CFAP58: variants seen among roughly 807,000 people sequenced by gnomAD.
CFAP58 encodes cilia- and flagella-associated protein 58.
In CFAP58, 88 loss-of-function variants were observed where a neutral mutation model predicts 119.5. The observed-to-expected ratio is 0.74, with a 90% confidence interval of 0.62 to 0.88. CFAP58 has a LOEUF of 0.88. CFAP58 is among the 40% of genes least tolerant of loss of function. The pLI, the probability that CFAP58 is intolerant of heterozygous loss-of-function variation, is 0.00. For synonymous variants in CFAP58, 365 were observed against 366.3 expected, an observed-to-expected ratio of 1.00 and a Z score of 0.04; for missense variants, 990 against 1,021.2, an observed-to-expected ratio of 0.97 and a Z score of 0.42.
At chr10:104,382,230 C>T (rs1383529968) in intron 9 of CFAP58, 1 of 716,676 alleles carries the variant, frequency 1.4e-6, no homozygotes, top group African/African-American at 1.7e-5. Context: ...GGGCACAGAT[C>T]CTACCCACTC....
chr10:104,363,043 A>G (rs1054828971), intron 3 of CFAP58, among the ~76,000 whole-genome samples: 17 of 152,104 alleles, frequency 1.1e-4, no homozygotes, highest in African/African-American at 3.9e-4. Flanking sequence ...GACCCATCTC[A>G]AACACTGTCT....
intron 9 of CFAP58, among the ~76,000 whole-genome samples, chr10:104,389,826 CA>C (rs2011997530): frequency 6.6e-6 from 1 of 152,090 alleles, no homozygotes; most frequent in Non-Finnish European, 1.5e-5. Flanking sequence ...ATGAAACTAA[CA>C]GAAACCTTGA....
rs370576351 is a variant in CFAP58 at position 104,449,962 on chromosome 10, G to T, written c.2377-109G>T. On this transcript the variant is annotated intron_variant, in intron 16 of 17. Coordinates refer to ENST00000369704, the MANE Select transcript of CFAP58 (RefSeq NM_001008723.2). Reference sequence around the variant, plus strand: ...CATGCAGATTAATTGTGAAACTTGGGCATTGTTTTGCACCTCTAGCTCCAC... The same window carrying T: ...CATGCAGATTAATTGTGAAACTTGGTCATTGTTTTGCACCTCTAGCTCCAC... The T allele has an allele frequency of 3.2e-5, 34 of 1,056,852 alleles. No individual in the cohort carries two copies. In the East Asian group the frequency reaches 8.0e-4, roughly 25 times the overall value. The allele number at this position is 1,056,852 out of a possible 1,614,324, so 65.5% of individuals were successfully genotyped here. A position where few individuals can be genotyped will look rare whatever the true frequency, so the allele number is the denominator to read the frequency against.
chr10:104,392,512 A>G, intron 10 of CFAP58, 118 bp downstream of exon 10: 1 of 667,650 alleles, frequency 1.5e-6, no homozygotes, highest in East Asian at 3.2e-5. Flanking sequence ...CATGGAATTC[A>G]CCTGAAAAGA....
chr10:104,366,038 C>A (rs201700473), intron 5 of CFAP58, 30 bp downstream of exon 5: 28 of 1,517,670 alleles, frequency 1.8e-5, no homozygotes, highest in African/African-American at 1.4e-4. Context: ...TCGCAAAAAA[C>A]CAAGAAAAAC....
intron 15 of CFAP58, among the ~76,000 whole-genome samples, chr10:104,413,154 C>A (rs1314149285): frequency 6.6e-6 from 1 of 152,194 alleles, no homozygotes; most frequent in Non-Finnish European, 1.5e-5. Flanking sequence ...GATTTGTGGT[C>A]CTTCAGAAAG....
intron 11 of CFAP58, among the ~76,000 whole-genome samples, chr10:104,394,948 A>G (rs2012122067): frequency 6.6e-6 from 1 of 152,224 alleles, no homozygotes. Flanking sequence ...GGTATGGACC[A>G]TGTTAGCAAG....
At chr10:104,388,070 A>G (rs1478885514) in intron 9 of CFAP58, among the ~76,000 whole-genome samples, 4 of 152,218 alleles carry the variant, frequency 2.6e-5, no homozygotes, top group African/African-American at 9.6e-5. Context: ...TGTTTCATTG[A>G]TGTTAATTTG....
intron 17 of CFAP58, among the ~76,000 whole-genome samples, chr10:104,452,246 A>G (rs531789453): frequency 6.8e-4 from 104 of 152,160 alleles, no homozygotes; most frequent in Admixed American, 6.3e-3. Context: ...ATAGATACAT[A>G]AAATAGTAAG....
At chr10:104,411,372 T>A (rs1402272619) in intron 15 of CFAP58, among the ~76,000 whole-genome samples, 2 of 152,238 alleles carry the variant, frequency 1.3e-5, no homozygotes, top group African/African-American at 4.8e-5. Context: ...ATGTTTTACA[T>A]CCTTCCTTTA....
chr10:104,450,277 C>A, intron 17 of CFAP58, 73 bp downstream of exon 17: 1 of 1,499,490 alleles, frequency 6.7e-7, no homozygotes, highest in Non-Finnish European at 9.2e-7. Context: ...GGTGAACAGT[C>A]ACAGAGTTGC....
chr10:104,432,007 C>G (rs1223431430), intron 15 of CFAP58, among the ~76,000 whole-genome samples: 1 of 151,938 alleles, frequency 6.6e-6, no homozygotes, highest in Non-Finnish European at 1.5e-5. Flanking sequence ...TTCACTATTG[C>G]AAAAGTGTTT....
rs112664550 is a variant in CFAP58 at position 104,438,309 on chromosome 10, C to T, written c.2257-9389C>T. ...ACTCAGCAATGGCAAGTATGCAAAT[C>T]AATGGGAATTTTTATTGTTTTTTTG... On this transcript the variant is annotated intron_variant, in intron 15 of 17. Coordinates refer to ENST00000369704, the MANE Select transcript of CFAP58 (RefSeq NM_001008723.2). Among the ~76,000 whole-genome samples the T allele has an allele frequency of 6.8e-3, 1,022 of 150,242 alleles. 11 individuals carry two copies. The highest frequency in any genetic ancestry group is 0.023 in the African/African-American group (945 of 40,680).
At chr10:104,403,293 T>C (rs2012298880) in intron 13 of CFAP58, among the ~76,000 whole-genome samples, 1 of 152,122 alleles carries the variant, frequency 6.6e-6, no homozygotes, top group Non-Finnish European at 1.5e-5. Flanking sequence ...GTTCCTTTGC[T>C]CTCCCTTTGT....
intron 3 of CFAP58, among the ~76,000 whole-genome samples, chr10:104,363,670 G>T (rs746993414): frequency 9.2e-5 from 14 of 152,220 alleles, no homozygotes; most frequent in Non-Finnish European, 1.3e-4. Flanking sequence ...GTAACTTTCT[G>T]TCTTCATAGT....
At chr10:104,399,566 C>A in intron 12 of CFAP58, 66 bp downstream of exon 12, 2 of 1,530,572 alleles carry the variant, frequency 1.3e-6, no homozygotes, top group South Asian at 1.2e-5. Context: ...TTCCACCCTT[C>A]GAAACTTCCT....
At chr10:104,360,362 C>T (rs904162551) in intron 2 of CFAP58, among the ~76,000 whole-genome samples, 2 of 151,984 alleles carry the variant, frequency 1.3e-5, no homozygotes, top group Non-Finnish European at 1.5e-5. Context: ...ACACTGGCAT[C>T]TGCTCAGCTT....
chr10:104,450,861 A>C (rs1018835204), intron 17 of CFAP58, among the ~76,000 whole-genome samples: 1 of 151,850 alleles, frequency 6.6e-6, no homozygotes, highest in African/African-American at 2.4e-5. Flanking sequence ...GTTTTTAGAT[A>C]GTTATTATCT....
At chr10:104,347,470 G>A in the CFAP58 span, among the ~76,000 whole-genome samples, 21 of 152,068 alleles carry the variant, frequency 1.4e-4, no homozygotes, top group Admixed American at 1.4e-3. Context: ...GTGACCATAT[G>A]GTTGGCTGAT....
Sources: gnomAD v4.1 joint callset for allele counts (sites outside exome capture counted in the v4.1 genomes callset) on GRCh38, gnomAD v4.1.1 for gene constraint, MANE v1.5 for transcripts, NCBI Gene and HGNC (gene_info 2026-07-23, HGNC 2026-07-21) for gene names.